Variants in AKR1B1 observed in about 807,000 individuals in gnomAD.
AKR1B1 encodes the protein aldo-keto reductase family 1 member B1.
A neutral mutation model predicts 40.4 loss-of-function variants in AKR1B1; 22 were observed. The observed-to-expected ratio is 0.54, with a 90% CI of 0.39 to 0.78. The LOEUF is 0.78. Ranked by LOEUF, AKR1B1 falls within the 30% of genes least tolerant of loss-of-function variation. The probability of loss-of-function intolerance (pLI) is 0.00; values close to 1 mark genes in which losing one functional copy is unlikely to be tolerated. For synonymous variants in AKR1B1, 157 were observed against 149.9 expected (o/e 1.05, Z -0.35); for missense variants, 357 against 396.7 (o/e 0.90, Z 0.85).
intron 1 of AKR1B1, 59 bp downstream of exon 1, chr7:134,458,938 T>C (rs1424426): frequency 0.46 from 710,254 of 1,550,482 alleles, 167,070 homozygotes; most frequent in African/African-American, 0.73. Flanking sequence ...CCCTCGCCAA[T>C]ACAGGCCGCG....
intron 8 of AKR1B1, among the ~76,000 whole-genome samples, chr7:134,446,604 C>T (rs919767730): frequency 2.0e-5 from 3 of 152,282 alleles, no homozygotes; most frequent in African/African-American, 4.8e-5. Context: ...CCCACACCCC[C>T]GCCACCAATG....
At chr7:134,445,074 GT>G in intron 9 of AKR1B1, 163 bp downstream of exon 9, 1 of 711,842 alleles carries the variant, frequency 1.4e-6, no homozygotes, top group East Asian at 2.7e-5. Flanking sequence ...GCTCCATGCA[GT>G]TCAGCTGATG....
chr7:134,444,670 C>A, intron 9 of AKR1B1: 1 of 161,136 alleles, frequency 6.2e-6, no homozygotes. Flanking sequence ...AAGAGAAAAC[C>A]CCACAGAAAA....
At chr7:134,455,462 C>T (rs1048096739) in intron 1 of AKR1B1, among the ~76,000 whole-genome samples, 2 of 152,104 alleles carry the variant, frequency 1.3e-5, no homozygotes, top group African/African-American at 4.8e-5. Flanking sequence ...TGACTTTTAC[C>T]TCCAACAATT....
Position 134,450,840 on chromosome 7 carries a change from G to T in AKR1B1, c.297C>A (p.Asp99Glu). ...AGAGGTCCAGGTAGTCCAGCTTCAG[G>T]TCGCTGAGTGTCTTCTGGCAGGCTC... The part of the protein sequence containing the change: ...VKGACQKTLS[D>E]LKLDYLDLYL... Residue 99 changes from aspartate (D) to glutamate (E), a missense_variant, in exon 3 of 10, where the codon GAC becomes GAA. By Grantham distance (45) the Asp-to-Glu change is conservative (BLOSUM62 2). Coordinates refer to ENST00000285930, the MANE Select transcript of AKR1B1 (RefSeq NM_001628.4). The T allele has an allele frequency of 6.2e-7, 1 of 1,614,214 alleles. No individual in the cohort carries two copies. Among genetic ancestry groups the T allele is most frequent in the East Asian group, 2.2e-5 (1 of 44,880 alleles).
At chr7:134,456,189 G>A (rs1260295533) in intron 1 of AKR1B1, among the ~76,000 whole-genome samples, 2 of 152,144 alleles carry the variant, frequency 1.3e-5, no homozygotes, top group African/African-American at 2.4e-5. Flanking sequence ...CACATACAAG[G>A]GAAAGGTTTT....
At chr7:134,446,584 C>T (rs1352839964) in intron 8 of AKR1B1, among the ~76,000 whole-genome samples, 1 of 63,452 alleles carries the variant, frequency 1.6e-5, no homozygotes, top group Non-Finnish European at 4.4e-5. Context: ...TGGGCGTGCC[C>T]CCCCCCTCCC....
Position 134,442,718 on chromosome 7 carries a change from A to G in AKR1B1, c.*10T>C. On this transcript the variant is annotated 3_prime_UTR_variant, in exon 10 of 10. Transcript: ENST00000285930. ...ATAGGTCACTTGGGGACGAGCAGGC[A>G]ACCACAGCTTCAAAACTCTTCATGG... 6.2e-7 allele frequency: 1 copy of G among 1,614,090 alleles called. No individual in the cohort carries two copies. The highest frequency in any genetic ancestry group is 8.5e-7 in the Non-Finnish European group (1 of 1,179,930).
At chr7:134,455,988 GT>G (rs1260963975) in intron 1 of AKR1B1, among the ~76,000 whole-genome samples, 1 of 152,196 alleles carries the variant, frequency 6.6e-6, no homozygotes, top group Non-Finnish European at 1.5e-5. Flanking sequence ...AGAGAATGGA[GT>G]TTGAGGACCT....
chr7:134,447,558 G>A, intron 7 of AKR1B1, 177 bp from the exon 8 acceptor site: 1 of 684,520 alleles, frequency 1.5e-6, no homozygotes, highest in Non-Finnish European at 2.6e-6. Flanking sequence ...TTCAGGTCCA[G>A]ATCTGACTCC....
intron 9 of AKR1B1, among the ~76,000 whole-genome samples, chr7:134,443,309 A>AGGCT (rs1405928257): frequency 6.6e-6 from 1 of 152,070 alleles, no homozygotes; most frequent in Admixed American, 6.5e-5. Context: ...GCTACTTGGG[A>AGGCT]GGCTGAGGTG....
chr7:134,451,874 A>G (rs763544533), intron 1 of AKR1B1, 121 bp from the exon 2 acceptor site: 1 of 1,071,096 alleles, frequency 9.3e-7, no homozygotes, highest in Non-Finnish European at 1.4e-6. Flanking sequence ...AAGACAGACC[A>G]CGTGCACTTC....
intron 7 of AKR1B1, 196 bp downstream of exon 7, chr7:134,447,784 G>C: frequency 1.5e-6 from 1 of 683,930 alleles, no homozygotes. Context: ...AGTGGGGGCA[G>C]GCACTATTAA....
At chr7:134,442,866 T>C in intron 9 of AKR1B1, 96 bp from the exon 10 acceptor site, 1 of 1,230,182 alleles carries the variant, frequency 8.1e-7, no homozygotes, top group Non-Finnish European at 1.2e-6. Flanking sequence ...ACTGAAGAAA[T>C]AAAATAGAAC....
At chr7:134,451,185 G>C (rs559543409) in intron 2 of AKR1B1, 4 of 557,148 alleles carry the variant, frequency 7.2e-6, no homozygotes, top group African/African-American at 3.8e-5. Context: ...CTTTCCCCCC[G>C]GGCTGGTGTT....
At chr7:134,452,433 T>C (rs751839890) in intron 1 of AKR1B1, among the ~76,000 whole-genome samples, 101 of 152,328 alleles carry the variant, frequency 6.6e-4, no homozygotes, top group Middle Eastern at 6.8e-3. Flanking sequence ...AGGGGGAATG[T>C]GGATCATGGA....
Position 134,448,387 on chromosome 7 carries a change from C to T in AKR1B1, c.659G>A (p.Trp220Ter). The change falls in exon 6 of 10, where the codon TGG becomes TAG. Residue 220 changes from tryptophan to a stop codon, truncating the protein, a stop_gained and splice_region_variant. Coordinates refer to ENST00000285930, the MANE Select transcript of AKR1B1 (RefSeq NM_001628.4). LOFTEE classifies it high-confidence loss of function. The part of the protein sequence containing the change: ...YSPLGSPDRP[W>*]AKPEDPSLLE... ...GAGCATGAGCCTGTGGGAAGCTCAC[C>T]AGGGCCTGTCAGGAGAGCCGAGGGG... 3 of 1,612,660 alleles carry T rather than the reference C, an allele frequency of 1.9e-6. No homozygotes were observed. Among genetic ancestry groups the T allele is most frequent in the Non-Finnish European group, 2.5e-6 (3 of 1,178,922 alleles).
At chr7:134,453,256 T>C (rs550237996) in intron 1 of AKR1B1, among the ~76,000 whole-genome samples, 1 of 152,318 alleles carries the variant, frequency 6.6e-6, no homozygotes, top group African/African-American at 2.4e-5. Flanking sequence ...CTCCGCAGGC[T>C]CAGCCTAGCC....
At chr7:134,455,530 T>A (rs1429940518) in intron 1 of AKR1B1, among the ~76,000 whole-genome samples, 1 of 152,168 alleles carries the variant, frequency 6.6e-6, no homozygotes, top group Non-Finnish European at 1.5e-5. Flanking sequence ...CCAGACATCA[T>A]CTCTGTTTTA....
Sources: gnomAD v4.1 joint callset for allele counts (sites outside exome capture counted in the v4.1 genomes callset) on GRCh38, gnomAD v4.1.1 for gene constraint, MANE v1.5 for transcripts, NCBI Gene and HGNC (gene_info 2026-07-23, HGNC 2026-07-21) for gene names.